PNPLA7: variants seen among roughly 807,000 people sequenced by gnomAD.
PNPLA7 encodes the protein patatin like domain 7, lysophospholipase.
Under a neutral mutation model 161.7 loss-of-function variants are expected in PNPLA7, and 153 were observed. The ratio of observed to expected loss-of-function variants is 0.95; its 90% CI spans 0.83 to 1.08. The LOEUF is 1.08. PNPLA7 is among the 50% of genes least tolerant of loss of function. The pLI, the probability that PNPLA7 is intolerant of heterozygous loss-of-function variation, is 0.00. For missense variants in PNPLA7, 1,739 were observed against 1,856.6 expected, an observed-to-expected ratio of 0.94 and a Z score of 1.16; for synonymous variants, 809 against 782.1, an observed-to-expected ratio of 1.03 and a Z score of -0.57.
At position 137,547,324 on chromosome 9, in the gene PNPLA7, T is replaced by G; in HGVS notation, c.178A>C (p.Arg60=). Residue 60 remains arginine, a synonymous_variant, in exon 3 of 35, where the codon AGG becomes CGG. Coordinates refer to ENST00000406427, the MANE Select transcript of PNPLA7 (RefSeq NM_001098537.3). The surrounding 1 kb of genome is among the most constrained non-coding windows in gnomAD (Gnocchi z 4.6). ...VGVLILFMFR[R]LRQFRQAQPT... ...AGATACTCACGAAATTGTCTAAGCCTTCTGAACATGAAAAGGATGAGGACA... is the reference window on the plus strand; with the variant it reads ...AGATACTCACGAAATTGTCTAAGCCGTCTGAACATGAAAAGGATGAGGACA... The G allele has an allele frequency of 6.2e-7, 1 of 1,613,480 alleles. No individual in the cohort carries two copies. Among genetic ancestry groups the G allele is most frequent in the Non-Finnish European group, 8.5e-7 (1 of 1,179,966 alleles).
intron 20 of PNPLA7, among the ~76,000 whole-genome samples, chr9:137,491,163 G>C (rs1028446806): frequency 8.6e-5 from 13 of 151,944 alleles, no homozygotes; most frequent in Admixed American, 2.6e-4. Flanking sequence ...GGAGGCTGAG[G>C]GGGGGGGAAT....
At chr9:137,464,704 G>A (rs1008985064) in intron 26 of PNPLA7, 4 of 528,396 alleles carry the variant, frequency 7.6e-6, no homozygotes, top group Non-Finnish European at 1.4e-5. Context: ...CTAAGCCCTC[G>A]CTGGCCCTAC....
At position 137,484,700 on chromosome 9, in the gene PNPLA7, C is replaced by T. The variant is rs770656186; in HGVS notation, c.2234G>A (p.Trp745Ter). The change falls in exon 21 of 35, where the codon TGG (tryptophan) becomes TAG (stop). Residue 745 changes from tryptophan to a stop codon, truncating the protein, a stop_gained. Transcript: ENST00000406427. LOFTEE classifies it high-confidence loss of function. Reference protein sequence around the residue: ...QLGLPTEGSKWDLGNPAVNLS... With the variant: ...QLGLPTEGSK ...GTTGACAGCCGGGTTCCCCAAGTCC[C>T]ACTTGCTGCCCTCCGTGGGGAGCCC... 3.7e-6 allele frequency: 6 copies of T among 1,611,988 alleles called. No individual in the cohort carries two copies. The highest frequency in any genetic ancestry group is 4.2e-6 in the Non-Finnish European group (5 of 1,179,148).
intron 12 of PNPLA7, among the ~76,000 whole-genome samples, chr9:137,506,961 C>T (rs559903623): frequency 2.0e-5 from 3 of 152,356 alleles, no homozygotes; most frequent in Non-Finnish European, 2.9e-5. Flanking sequence ...AGACACTAAC[C>T]GCAGACACAT....
intron 23 of PNPLA7, chr9:137,479,718 G>T (rs1332102437): frequency 1.0e-6 from 1 of 985,318 alleles, no homozygotes; most frequent in Non-Finnish European, 1.2e-6. Flanking sequence ...AACACGAACA[G>T]GACTGGGTGG....
chr9:137,495,180 C>A (rs1456380757), intron 18 of PNPLA7, 34 bp from the exon 19 acceptor site: 2 of 1,519,662 alleles, frequency 1.3e-6, no homozygotes, highest in South Asian at 1.2e-5. Flanking sequence ...GGGCCGCGGG[C>A]TTGGGAGGGC....
chr9:137,502,278 A>G (rs1833476527), intron 14 of PNPLA7, among the ~76,000 whole-genome samples: 1 of 152,138 alleles, frequency 6.6e-6, no homozygotes, highest in South Asian at 2.1e-4. Context: ...CACACCCACG[A>G]AGGTTTGAAA....
chr9:137,546,868 C>T lies in PNPLA7; in HGVS notation c.235G>A (p.Asp79Asn). The T allele has an allele frequency of 6.2e-7, 1 of 1,613,982 alleles. No homozygotes were observed. The highest frequency in any genetic ancestry group is 2.2e-5 in the East Asian group (1 of 44,882). ...TTCCGGCCGTAAAACATCACTTTGT[C>T]TCTCTTCCGGAACCGGTACTGAGGA... ...PTPQYRFRKR[D>N]KVMFYGRKIM... The change falls in exon 4 of 35, where the codon GAC becomes AAC. Residue 79 changes from aspartate to asparagine, a missense_variant. Asp to Asn is a conservative substitution (Grantham distance 23). Coordinates refer to ENST00000406427, the MANE Select transcript of PNPLA7 (RefSeq NM_001098537.3).
rs2132123882 is a variant in PNPLA7, at chr9:137,476,840, C to A, written c.2882+1194G>T. On this transcript the variant is annotated intron_variant, in intron 25 of 34. Coordinates refer to ENST00000406427, the MANE Select transcript of PNPLA7 (RefSeq NM_001098537.3). The surrounding 1 kb of genome is among the most constrained non-coding windows in gnomAD (Gnocchi z 4.5). Reference sequence around the variant, plus strand: ...AAGCCATTGAACTGCTGTAGGCCAACTTCCGCAGCTTTCAAGAGAAAATGT... The same window carrying A: ...AAGCCATTGAACTGCTGTAGGCCAAATTCCGCAGCTTTCAAGAGAAAATGT... 6.6e-6 allele frequency among the ~76,000 whole-genome samples: 1 copy of A among 152,344 alleles called. No homozygotes were observed. The highest frequency in any genetic ancestry group is 6.5e-5 in the Admixed American group (1 of 15,310).
rs142410808 is a variant in PNPLA7, at chr9:137,469,385, T to G, written c.2883-1912A>C. 3.9e-3 allele frequency among the ~76,000 whole-genome samples: 599 copies of G among 152,298 alleles called. 3 individuals carry two copies. Among genetic ancestry groups the G allele is most frequent in the Middle Eastern group, 0.01 (3 of 294 alleles). On this transcript the variant is annotated intron_variant, in intron 25 of 34. Transcript: ENST00000406427. Reference sequence around the variant, plus strand: ...CACAGAAAGCAGACAGGGAGGGAGCTGTATCTGAAGAGACAGTGTGGCATG... The same window carrying G: ...CACAGAAAGCAGACAGGGAGGGAGCGGTATCTGAAGAGACAGTGTGGCATG...
rs376367799 is a variant in PNPLA7 at position 137,495,112 on chromosome 9, G to A, written c.2048C>T (p.Thr683Met). 2.1e-5 allele frequency: 33 copies of A among 1,606,852 alleles called. No homozygotes were observed. Among genetic ancestry groups the A allele is most frequent in the East Asian group, 4.5e-5 (2 of 44,828 alleles). Residue 683 changes from threonine to methionine, a missense_variant, in exon 19 of 35, where the codon ACG becomes ATG. Physicochemically the swap from Thr to Met is moderately conservative, Grantham distance 81. This residue lies in a region of PNPLA7 where 192 missense variants were observed against 249.5 expected (regional missense o/e 0.77). Transcript: ENST00000406427. ...ETLTHQARATTVHAVRDSELA... is the reference protein window; with the variant it reads ...ETLTHQARATMVHAVRDSELA... Reference sequence around the variant, plus strand: ...TTCTGAGTCCCGAACGGCATGCACCGTGGTCGCCCGGGCCTGGTGGGTCAG... The same window carrying A: ...TTCTGAGTCCCGAACGGCATGCACCATGGTCGCCCGGGCCTGGTGGGTCAG...
chr9:137,488,640 AG>A (rs1246545117), intron 20 of PNPLA7, among the ~76,000 whole-genome samples: 1 of 152,116 alleles, frequency 6.6e-6, no homozygotes, highest in African/African-American at 2.4e-5. Context: ...CCACAGACGG[AG>A]GGGTCTGTCC....
intron 21 of PNPLA7, among the ~76,000 whole-genome samples, chr9:137,484,308 A>G (rs530357617): frequency 2.0e-4 from 31 of 152,372 alleles, no homozygotes; most frequent in African/African-American, 7.2e-4. Flanking sequence ...CCTGTCTATC[A>G]TCATGGTCCC....
chr9:137,467,342 C>T lies in PNPLA7; in HGVS notation c.3014G>A (p.Arg1005Gln), dbSNP rs772637473. Residue 1005 changes from arginine (R) to glutamine (Q), a missense_variant, in exon 26 of 35, where the codon CGG (arginine) becomes CAG (glutamine). Arg to Gln is a conservative substitution (Grantham distance 43). Around this residue, in one of 6 missense-constraint regions of PNPLA7, gnomAD observed 703 missense variants for 694.6 expected, o/e 1.01. Transcript: ENST00000406427. This position sits in a 1 kb window ranked among gnomAD's most constrained non-coding sequence, Gnocchi z 5.1. ...CTCGGCCCACTGCTTGGCCCGGATC[C>T]GCATCTGGCTGTAGTTCCGCTCCTC... ...YSEERNYSQM[R>Q]IRAKQWAEGM... 1.4e-5 allele frequency: 22 copies of T among 1,613,480 alleles called. No homozygotes were observed. Among genetic ancestry groups the T allele is most frequent in the Admixed American group, 1.0e-4 (6 of 59,988 alleles).
chr9:137,462,143 C>T lies in PNPLA7; in HGVS notation c.3645+36G>A, dbSNP rs147449484. The T allele has an allele frequency of 9.4e-4, 1,439 of 1,536,022 alleles. 14 individuals carry two copies. The African/African-American group carries it at 0.017, about 18-fold the overall frequency. ...GGAGGGGCAGCCACCAGAGTGCCTC[C>T]GCCCGCCTCCGCCGCCGCGGGTGGC... On this transcript the variant is annotated intron_variant, in intron 31 of 34. Transcript: ENST00000406427.
At chr9:137,534,923 C>A (rs1271456043) in intron 8 of PNPLA7, among the ~76,000 whole-genome samples, 1 of 140,754 alleles carries the variant, frequency 7.1e-6, no homozygotes, top group Admixed American at 6.8e-5. Flanking sequence ...AACAGGCAAC[C>A]ACTAATGAGA....
chr9:137,541,398 C>T lies in PNPLA7; in HGVS notation c.667-676G>A. On this transcript the variant is annotated intron_variant, in intron 7 of 34. Coordinates refer to ENST00000406427, the MANE Select transcript of PNPLA7 (RefSeq NM_001098537.3). The surrounding 1 kb of genome is among the most constrained non-coding windows in gnomAD (Gnocchi z 4.4). ...CTTCTAATAACCCATCAAGTCCAGCCACAGACAAAGCGACAAACCTGAGAA... is the reference window on the plus strand; with the variant it reads ...CTTCTAATAACCCATCAAGTCCAGCTACAGACAAAGCGACAAACCTGAGAA... The T allele has an allele frequency of 1.0e-6, 1 of 985,008 alleles. No individual in the cohort carries two copies. The highest frequency in any genetic ancestry group is 1.2e-6 in the Non-Finnish European group (1 of 829,532). 61.0% of individuals were successfully genotyped at this position (985,008 alleles called of 1,614,324 possible). A position where few individuals can be genotyped will look rare whatever the true frequency, so the allele number is the denominator to read the frequency against.
At chr9:137,521,466 C>A (rs1418016949) in intron 10 of PNPLA7, among the ~76,000 whole-genome samples, 170 bp downstream of exon 10, 1 of 152,212 alleles carries the variant, frequency 6.6e-6, no homozygotes, top group Non-Finnish European at 1.5e-5. Flanking sequence ...GGAGAATAAA[C>A]ACAGCACAAC....
In PNPLA7 at chr9:137,499,951, C is replaced by A. The variant is rs969201390; in HGVS notation, c.1757+740G>T. Among the ~76,000 whole-genome samples, 2 of 152,350 alleles carry A rather than the reference C, an allele frequency of 1.3e-5. No individual in the cohort carries two copies. The highest frequency in any genetic ancestry group is 1.5e-5 in the Non-Finnish European group (1 of 68,038). ...GAAAACACACACAGAACGGCTCAAGCCACCAGAGGCGAGAGCTGGGGTTAA... is the reference window on the plus strand; with the variant it reads ...GAAAACACACACAGAACGGCTCAAGACACCAGAGGCGAGAGCTGGGGTTAA... On this transcript the variant is annotated intron_variant, in intron 16 of 34. Coordinates refer to ENST00000406427, the MANE Select transcript of PNPLA7 (RefSeq NM_001098537.3). This position sits in a 1 kb window ranked among gnomAD's most constrained non-coding sequence, Gnocchi z 5.5.
Sources: gnomAD v4.1 joint callset for allele counts (sites outside exome capture counted in the v4.1 genomes callset) on GRCh38, gnomAD v4.1.1 for gene constraint, gnomAD v4.1.1 regional missense constraint, Gnocchi (gnomAD v3.1) non-coding constraint, MANE v1.5 for transcripts, NCBI Gene and HGNC (gene_info 2026-07-23, HGNC 2026-07-21) for gene names.